LEMD1: variants seen among roughly 807,000 people sequenced by gnomAD.
LEMD1 encodes the protein LEM domain-containing protein 1.
LEMD1 carries 18 observed loss-of-function variants against 17.4 expected under a neutral mutation model. The ratio of observed to expected loss-of-function variants is 1.04; its 90% CI spans 0.72 to 1.54. The LOEUF is 1.54. LEMD1 is among the 40% of genes most tolerant of loss of function. The pLI, the probability that LEMD1 is intolerant of heterozygous loss-of-function variation, is 0.00. For synonymous variants in LEMD1, 88 were observed against 77.8 expected, an observed-to-expected ratio of 1.13 and a Z score of -0.69; for missense variants, 195 against 210.4, an observed-to-expected ratio of 0.93 and a Z score of 0.45.
intron 4 of LEMD1, among the ~76,000 whole-genome samples, chr1:205,414,026 A>G (rs1665579140): frequency 1.3e-5 from 2 of 152,212 alleles, no homozygotes; most frequent in South Asian, 4.1e-4. Context: ...TTTCAGGCAT[A>G]AAGAACAGTT....
chr1:205,417,425 G>A lies in LEMD1; in HGVS notation c.206-1129C>T, dbSNP rs1002588967. Among the ~76,000 whole-genome samples, 5 of 152,186 alleles carry A rather than the reference G, an allele frequency of 3.3e-5. No individual in the cohort carries two copies. The East Asian group carries it at 9.6e-4, about 29-fold the overall frequency. Reference sequence around the variant, plus strand: ...TTTGTAGCTTTAACCCGAAGTCCTGGGAAGTCGTGAACAGTTCTGAAATCT... The same window carrying A: ...TTTGTAGCTTTAACCCGAAGTCCTGAGAAGTCGTGAACAGTTCTGAAATCT... On this transcript the variant is annotated intron_variant, in intron 3 of 5. Transcript: ENST00000367153.
intron 4 of LEMD1, among the ~76,000 whole-genome samples, chr1:205,408,977 A>G (rs963893126): frequency 1.3e-5 from 2 of 151,938 alleles, no homozygotes; most frequent in African/African-American, 4.8e-5. Context: ...AGCTGAGACC[A>G]CAGGTGTGCA....
chr1:205,428,369 C>CA (rs1666083444), intron 1 of LEMD1, among the ~76,000 whole-genome samples: 1 of 152,112 alleles, frequency 6.6e-6, no homozygotes, highest in Non-Finnish European at 1.5e-5. Context: ...GGACTGGGTA[C>CA]AGGGATATCG....
At chr1:205,443,529 GC>G (rs1558744417) in intron 1 of LEMD1, among the ~76,000 whole-genome samples, 1 of 152,180 alleles carries the variant, frequency 6.6e-6, no homozygotes, top group Admixed American at 6.5e-5. Flanking sequence ...CAGGAGCTGG[GC>G]TAGGGGCTGT....
At chr1:205,398,538 T>C (rs1464312481) in intron 4 of LEMD1, among the ~76,000 whole-genome samples, 1 of 152,206 alleles carries the variant, frequency 6.6e-6, no homozygotes, top group Non-Finnish European at 1.5e-5. Flanking sequence ...GAAGCAAAAA[T>C]GAGACGTGAA....
At chr1:205,443,362 C>G (rs1461341402) in intron 1 of LEMD1, among the ~76,000 whole-genome samples, 2 of 148,332 alleles carry the variant, frequency 1.3e-5, no homozygotes, top group African/African-American at 5.0e-5. Flanking sequence ...GCAGAATATA[C>G]CCCCTTAAAT....
At chr1:205,436,136 G>A (rs1666200330) in intron 1 of LEMD1, 1 of 152,572 alleles carries the variant, frequency 6.6e-6, no homozygotes, top group Non-Finnish European at 1.5e-5. Context: ...CCCTCAGATG[G>A]AACACGGGAA....
chr1:205,423,775 T>C (rs1666019832), upstream of LEMD1, among the ~76,000 whole-genome samples: 1 of 152,206 alleles, frequency 6.6e-6, no homozygotes, highest in Non-Finnish European at 1.5e-5. Flanking sequence ...TCCTGAGCAT[T>C]AGCTTGTTTT....
At chr1:205,384,935 A>C (rs1179892895) in intron 4 of LEMD1, among the ~76,000 whole-genome samples, 1 of 150,332 alleles carries the variant, frequency 6.7e-6, no homozygotes, top group Non-Finnish European at 1.5e-5. Flanking sequence ...AGTGAGCACC[A>C]CCTGCGAGGG....
intron 4 of LEMD1, among the ~76,000 whole-genome samples, chr1:205,412,164 A>G (rs1665482912): frequency 6.6e-6 from 1 of 152,156 alleles, no homozygotes; most frequent in African/African-American, 2.4e-5. Context: ...ATGTAGCTTG[A>G]CATTGTAGAT....
At chr1:205,404,679 T>C (rs2102395132) in intron 4 of LEMD1, among the ~76,000 whole-genome samples, 1 of 152,336 alleles carries the variant, frequency 6.6e-6, no homozygotes, top group East Asian at 1.9e-4. Context: ...TGTCTTTTAA[T>C]TGGAGCATTT....
At chr1:205,415,587 G>A (rs1411973963) in intron 4 of LEMD1, among the ~76,000 whole-genome samples, 1 of 152,180 alleles carries the variant, frequency 6.6e-6, no homozygotes, top group Admixed American at 6.5e-5. Flanking sequence ...TGGCACCTTG[G>A]AGTTCATTAT....
intron 1 of LEMD1, among the ~76,000 whole-genome samples, chr1:205,427,196 T>G (rs1666068827): frequency 6.6e-6 from 1 of 151,982 alleles, no homozygotes; most frequent in African/African-American, 2.4e-5. Context: ...TTCCAGAATT[T>G]TTAAGGACTG....
intron 4 of LEMD1, among the ~76,000 whole-genome samples, chr1:205,397,445 C>CA (rs1213597413): frequency 2.0e-5 from 3 of 152,134 alleles, no homozygotes; most frequent in South Asian, 2.1e-4. Flanking sequence ...CTCATCTCCA[C>CA]AAAAAATGTA....
chr1:205,411,187 A>G (rs1041407774), intron 4 of LEMD1, among the ~76,000 whole-genome samples: 1 of 144,640 alleles, frequency 6.9e-6, no homozygotes, highest in African/African-American at 2.6e-5. Context: ...GGAAAGAAGG[A>G]AAGGAAGGAA....
At chr1:205,406,564 G>A (rs555020676) in intron 4 of LEMD1, among the ~76,000 whole-genome samples, 22 of 152,236 alleles carry the variant, frequency 1.4e-4, no homozygotes, top group Admixed American at 8.5e-4. Context: ...TCGGAAAAGC[G>A]CAGTATTCGA....
intron 1 of LEMD1, chr1:205,437,669 A>G (rs1007701309): frequency 2.6e-5 from 4 of 152,228 alleles, no homozygotes; most frequent in Non-Finnish European, 4.4e-5. Context: ...CCACAACCCT[A>G]TGCCCCACTG....
At chr1:205,432,625 G>A (rs1051168286) in intron 1 of LEMD1, among the ~76,000 whole-genome samples, 1 of 152,232 alleles carries the variant, frequency 6.6e-6, no homozygotes, top group African/African-American at 2.4e-5. Context: ...ATACCTGCCA[G>A]CAGGGTCATT....
rs1666443586 is a variant in LEMD1, at chr1:205,448,599, C to A, written c.-39+1269G>T. Among the ~76,000 whole-genome samples, 1 of 152,114 alleles carries A rather than the reference C, an allele frequency of 6.6e-6. No homozygotes were observed. Among genetic ancestry groups the A allele is most frequent in the Non-Finnish European group, 1.5e-5 (1 of 68,022 alleles). ...CCAGTAATGAGTTTCCAGTTCTTGC[C>A]CTACAAAGGCCTCACACAATGGTCC... On this transcript the variant is annotated intron_variant, in intron 1 of 3. Coordinates refer to the LEMD1 transcript ENST00000367154. The surrounding 1 kb of genome is among the most constrained non-coding windows in gnomAD (Gnocchi z 4.7).
Sources: gnomAD v4.1 joint callset for allele counts (sites outside exome capture counted in the v4.1 genomes callset) on GRCh38, gnomAD v4.1.1 for gene constraint, Gnocchi (gnomAD v3.1) non-coding constraint, MANE v1.5 for transcripts, NCBI Gene and HGNC (gene_info 2026-07-23, HGNC 2026-07-21) for gene names.